USP49: variants seen among roughly 807,000 people sequenced by gnomAD.
The protein encoded by USP49 is ubiquitin specific peptidase 49, also known as ubiquitin carboxyl-terminal hydrolase 49.
A neutral mutation model predicts 58.6 loss-of-function variants in USP49; 24 were observed. The observed-to-expected ratio is 0.41, with a 90% CI of 0.30 to 0.58. USP49 has a LOEUF of 0.58. Among genes scored for constraint, USP49 ranks in the 20% least tolerant of loss-of-function variants. The pLI is 0.30. For synonymous variants in USP49, 408 were observed against 365.1 expected (o/e 1.12, Z -1.34); for missense variants, 703 against 866.1 (o/e 0.81, Z 2.36).
intron 7 of USP49, chr6:41,797,531 G>C: frequency 2.8e-6 from 2 of 714,502 alleles, no homozygotes; most frequent in East Asian, 2.7e-4. Context: ...AGTCAGTGCA[G>C]TAGCTGGAAG....
At chr6:41,881,288 CAA>C (rs57022965) in intron 2 of USP49, among the ~76,000 whole-genome samples, 101 of 20,364 alleles carry the variant, frequency 5.0e-3, no homozygotes, top group Non-Finnish European at 5.9e-3. Context: ...CATTAAATAC[CAA>C]AAAAAAAAAA....
chr6:41,796,602 T>G lies in USP49; in HGVS notation c.1998A>C (p.Ser666=). 1.4e-6 allele frequency: 1 copy of G among 717,528 alleles called. No individual in the cohort carries two copies. Among genetic ancestry groups the G allele is most frequent in the Non-Finnish European group, 2.6e-6 (1 of 385,106 alleles). The allele number at this position is 717,528 out of a possible 1,614,324, so 44.4% of individuals were successfully genotyped here. Residue 666 remains serine, a synonymous_variant, in exon 8 of 8, where the codon TCA becomes TCC. Transcript: ENST00000682992. ...GCACCTGAGCTTGGAGATGGGTTTC[T>G]GAGATTCTTGCATTGCCCTGCACTG... ...QRTVQGNARI[S]ETHLQAQVQS...
At chr6:41,809,011 TC>T (rs1773195542) in intron 3 of USP49, among the ~76,000 whole-genome samples, 1 of 151,542 alleles carries the variant, frequency 6.6e-6, no homozygotes, top group South Asian at 2.1e-4. Context: ...CTTCCTGGGT[TC>T]AAGTGATCCT....
Position 41,854,188 on chromosome 6 carries a change from G to A in USP49, c.-29+17376C>T, listed in dbSNP as rs1774085571. On this transcript the variant is annotated intron_variant, in intron 3 of 7. Transcript: ENST00000682992. Reference sequence around the variant, plus strand: ...AAAAAATACCTGGGTGTGGTGGTGTGCGCCTGTAGTCCCAGCTACCCAGGA... The same window carrying A: ...AAAAAATACCTGGGTGTGGTGGTGTACGCCTGTAGTCCCAGCTACCCAGGA... Among the ~76,000 whole-genome samples, 3 of 148,644 alleles carry A rather than the reference G, an allele frequency of 2.0e-5. No individual in the cohort carries two copies. The South Asian group carries it at 6.4e-4, about 32-fold the overall frequency.
At chr6:41,841,014 C>G (rs1244525351) in intron 3 of USP49, among the ~76,000 whole-genome samples, 1 of 134,772 alleles carries the variant, frequency 7.4e-6, no homozygotes, top group Admixed American at 7.6e-5. Context: ...GACCTTGTTT[C>G]AAAAAAAAAA....
rs1412357736 is a variant in USP49 at position 41,806,885 on chromosome 6, C to T, written c.99G>A (p.Glu33=). Residue 33 remains glutamate (E), a synonymous_variant, in exon 4 of 8, where the codon GAG becomes GAA. Transcript: ENST00000682992. This position sits in a 1 kb window ranked among gnomAD's most constrained non-coding sequence, Gnocchi z 5.9. The part of the protein sequence containing the change: ...KWCCLECATT[E]SVWACLKCSH... ...AGCACTTGAGGCAGGCCCACACGGA[C>T]TCGGTGGTGGCACACTCTAAGCAGC... The T allele has an allele frequency of 1.9e-6, 3 of 1,613,964 alleles. No homozygotes were observed. The highest frequency in any genetic ancestry group is 2.2e-5 in the East Asian group (1 of 44,882).
At position 41,798,543 on chromosome 6, in the gene USP49, T is replaced by C. The variant is rs972803290; in HGVS notation, c.1876+181A>G. ...CACCCACCGCGGCCTCCCAAAGCGC[T>C]AGGATTACAGGTGTGAGCCACGGCG... is the stretch of plus-strand genomic sequence containing the variant. On this transcript the variant is annotated intron_variant, in intron 7 of 7. Transcript: ENST00000682992. 8.0e-6 allele frequency: 12 copies of C among 1,498,624 alleles called. No homozygotes were observed. The African/African-American group carries it at 1.3e-4, about 16-fold the overall frequency. The allele number at this position is 1,498,624 out of a possible 1,614,324, so 92.8% of individuals were successfully genotyped here. A position where few individuals can be genotyped will look rare whatever the true frequency, so the allele number is the denominator to read the frequency against.
intron 6 of USP49, 99 bp from the exon 7 acceptor site, chr6:41,799,028 C>A: frequency 6.8e-7 from 1 of 1,462,456 alleles, no homozygotes; most frequent in Non-Finnish European, 9.0e-7. Flanking sequence ...AAAATTTAAC[C>A]TTCTGGTTTT....
chr6:41,878,547 G>C (rs114948253), intron 2 of USP49, among the ~76,000 whole-genome samples: 1 of 152,098 alleles, frequency 6.6e-6, no homozygotes, highest in African/African-American at 2.4e-5. Context: ...GCATATACCA[G>C]AGTTGCTACT....
chr6:41,806,571 T>C lies in USP49; in HGVS notation c.413A>G (p.Gln138Arg). Residue 138 changes from glutamine (Q) to arginine (R), a missense_variant, in exon 4 of 8, where the codon CAG (glutamine) becomes CGG (arginine). Gln to Arg is a conservative substitution (Grantham distance 43). Transcript: ENST00000682992. The surrounding 1 kb of genome is among the most constrained non-coding windows in gnomAD (Gnocchi z 5.9). The stretch of plus-strand genomic sequence containing the variant: ...CCGGTACCACAGAGCCGTGAGCATC[T>C]GCGGCTGTCCCTGAGGAGCGCGCTG... ...LPQRAPQGQP[Q>R]MLTALWYRRQ... 6.2e-7 allele frequency: 1 copy of C among 1,603,806 alleles called. No individual in the cohort carries two copies. Among genetic ancestry groups the C allele is most frequent in the Non-Finnish European group, 8.5e-7 (1 of 1,178,530 alleles).
At chr6:41,866,501 G>A (rs913497239) in intron 3 of USP49, among the ~76,000 whole-genome samples, 1 of 152,158 alleles carries the variant, frequency 6.6e-6, no homozygotes, top group Non-Finnish European at 1.5e-5. Flanking sequence ...GAAAGGGCCT[G>A]TCCAAAGTTG....
chr6:41,879,726 C>T (rs562778826), intron 2 of USP49, among the ~76,000 whole-genome samples: 43 of 152,302 alleles, frequency 2.8e-4, no homozygotes, highest in African/African-American at 9.9e-4. Context: ...AAAGGTGAAA[C>T]ATCCCTAGCC....
At chr6:41,801,111 T>G (rs532736527) in intron 5 of USP49, among the ~76,000 whole-genome samples, 7 of 152,264 alleles carry the variant, frequency 4.6e-5, no homozygotes, top group Non-Finnish European at 7.3e-5. Flanking sequence ...GGAAATGCAT[T>G]TCTAAATTTC....
chr6:41,797,370 AGAG>A (rs756013649), intron 7 of USP49, among the ~76,000 whole-genome samples: 2 of 152,222 alleles, frequency 1.3e-5, no homozygotes, highest in Non-Finnish European at 2.9e-5. Context: ...ATGAGGAGGA[AGAG>A]GAGGAGGAGA....
At position 41,806,655 on chromosome 6, in the gene USP49, G is replaced by A. The variant is rs750369264; in HGVS notation, c.329C>T (p.Pro110Leu). The stretch of plus-strand genomic sequence containing the variant: ...CCGCAGCGTCCGCCCACGTCTCACC[G>A]GCGTGTCCTGTTTCTGGCCCCGGAC... ...LAVRGQKQDT[P>L]VRRGRTLRSM... The change falls in exon 4 of 8, where the codon CCG becomes CTG. Residue 110 changes from proline (P) to leucine (L), a missense_variant. Pro to Leu is a moderately conservative substitution (Grantham distance 98). Coordinates refer to ENST00000682992, the MANE Select transcript of USP49 (RefSeq NM_001286554.2). This position sits in a 1 kb window ranked among gnomAD's most constrained non-coding sequence, Gnocchi z 5.9. The A allele has an allele frequency of 1.8e-5, 29 of 1,613,790 alleles. No homozygotes were observed. In the African/African-American group the frequency reaches 2.4e-4, roughly 13 times the overall value.
intron 4 of USP49, among the ~76,000 whole-genome samples, chr6:41,804,239 A>T (rs1773070044): frequency 6.6e-6 from 1 of 152,218 alleles, no homozygotes; most frequent in African/African-American, 2.4e-5. Context: ...CTGCATAGAG[A>T]CTATACTAAC....
At chr6:41,861,157 A>G (rs1582026885) in intron 3 of USP49, among the ~76,000 whole-genome samples, 1 of 149,180 alleles carries the variant, frequency 6.7e-6, no homozygotes, top group South Asian at 2.2e-4. Flanking sequence ...ATAAAATAAA[A>G]CCAGGGCCGG....
intron 3 of USP49, among the ~76,000 whole-genome samples, chr6:41,828,290 A>T (rs1345490863): frequency 6.7e-6 from 1 of 149,690 alleles, no homozygotes; most frequent in African/African-American, 2.4e-5. Flanking sequence ...TAAAAATACA[A>T]AAAAAAAAAT....
chr6:41,882,787 G>A (rs1258494293), intron 2 of USP49, among the ~76,000 whole-genome samples: 2 of 152,070 alleles, frequency 1.3e-5, no homozygotes, highest in African/African-American at 4.8e-5. Flanking sequence ...ATGGTGGCAC[G>A]CGTCTGTAGT....
Sources: allele counts gnomAD v4.1 joint callset (sites outside exome capture counted in the v4.1 genomes callset), GRCh38; gene constraint gnomAD v4.1.1; non-coding constraint Gnocchi (gnomAD v3.1); transcripts MANE v1.5; gene names NCBI Gene and HGNC (gene_info 2026-07-23, HGNC 2026-07-21).